SPMIP2: variants seen among roughly 807,000 people sequenced by gnomAD.
SPMIP2 encodes the protein protein SPMIP2.
chr4:159,026,394 A>T, the SPMIP2 span: 1 of 922,594 alleles, frequency 1.1e-6, no homozygotes, highest in Admixed American at 1.8e-5. Context: ...TTACAGATGG[A>T]TCATTGGTTC....
chr4:159,007,748 C>T, the SPMIP2 span: 1 of 629,910 alleles, frequency 1.6e-6, no homozygotes, highest in Non-Finnish European at 3.0e-6. Context: ...ACTTCGGGGC[C>T]TTCTACGCTG....
chr4:158,987,929 A>C, the SPMIP2 span, among the ~76,000 whole-genome samples: 6 of 152,016 alleles, frequency 3.9e-5, no homozygotes. Flanking sequence ...GACACAAAAA[A>C]CCCTTCAAAA....
chr4:158,967,080 G>C, the SPMIP2 span, among the ~76,000 whole-genome samples: 2 of 152,106 alleles, frequency 1.3e-5, no homozygotes, highest in South Asian at 4.1e-4. Context: ...CGCCTCCCTT[G>C]ATGTTTCCAT....
At chr4:159,017,281 C>T in the SPMIP2 span, among the ~76,000 whole-genome samples, 1 of 152,112 alleles carries the variant, frequency 6.6e-6, no homozygotes, top group Non-Finnish European at 1.5e-5. Flanking sequence ...CCGAATGACT[C>T]CCTGGATGGA....
At chr4:158,999,029 T>C in the SPMIP2 span, among the ~76,000 whole-genome samples, 1 of 152,038 alleles carries the variant, frequency 6.6e-6, no homozygotes, top group African/African-American at 2.4e-5. Context: ...CTGGGCATGG[T>C]GGCACACACC....
the SPMIP2 span, among the ~76,000 whole-genome samples, chr4:158,994,087 C>T: frequency 6.6e-6 from 1 of 152,324 alleles, no homozygotes; most frequent in African/African-American, 2.4e-5. Context: ...TAGATGGTAG[C>T]TTCATTGAAT....
At chr4:158,979,800 T>TG in the SPMIP2 span, among the ~76,000 whole-genome samples, 1 of 144,748 alleles carries the variant, frequency 6.9e-6, no homozygotes, top group South Asian at 2.2e-4. Context: ...TTTTTTTTTT[T>TG]TTTTTTTTTT....
chr4:158,990,606 C>T, the SPMIP2 span, among the ~76,000 whole-genome samples: 1 of 152,190 alleles, frequency 6.6e-6, no homozygotes, highest in Admixed American at 6.5e-5. Flanking sequence ...AAGCTGGAAA[C>T]CATCATCCTC....
chr4:159,043,865 T>G, the SPMIP2 span, among the ~76,000 whole-genome samples: 3 of 152,190 alleles, frequency 2.0e-5, no homozygotes, highest in African/African-American at 7.2e-5. Flanking sequence ...CATAAGCTCT[T>G]AATATTTGCC....
chr4:159,046,021 G>A, the SPMIP2 span, among the ~76,000 whole-genome samples: 29 of 152,124 alleles, frequency 1.9e-4, no homozygotes, highest in Admixed American at 3.9e-4. Flanking sequence ...AAGCCGAGGC[G>A]GGCAAATCAC....
At chr4:159,065,115 C>T in the SPMIP2 span, among the ~76,000 whole-genome samples, 2 of 152,190 alleles carry the variant, frequency 1.3e-5, no homozygotes, top group African/African-American at 4.8e-5. Context: ...CATACATTTG[C>T]ACTTTTATTT....
the SPMIP2 span, among the ~76,000 whole-genome samples, chr4:158,945,315 C>T: frequency 6.6e-6 from 1 of 151,404 alleles, no homozygotes; most frequent in African/African-American, 2.4e-5. Flanking sequence ...GTGGCTGCAT[C>T]ACTGCTCTGG....
At chr4:159,030,521 G>C in the SPMIP2 span, among the ~76,000 whole-genome samples, 2 of 151,060 alleles carry the variant, frequency 1.3e-5, no homozygotes, top group East Asian at 1.9e-4. Context: ...ATTTGAGACA[G>C]AGTATCACTC....
At chr4:158,969,613 A>T in the SPMIP2 span, among the ~76,000 whole-genome samples, 1 of 152,178 alleles carries the variant, frequency 6.6e-6, no homozygotes, top group East Asian at 1.9e-4. Context: ...CATGGAAGTT[A>T]TTATCTTCCT....
chr4:158,944,254 C>T, the SPMIP2 span, among the ~76,000 whole-genome samples: 1 of 151,384 alleles, frequency 6.6e-6, no homozygotes, highest in Non-Finnish European at 1.5e-5. Context: ...TCTTTGCCTT[C>T]CCCTCCCTCT....
the SPMIP2 span, among the ~76,000 whole-genome samples, chr4:158,898,219 C>T: frequency 2.2e-4 from 33 of 152,284 alleles, no homozygotes; most frequent in East Asian, 3.1e-3. Context: ...GTACCAATAC[C>T]GTGCTGTTTT....
chr4:159,073,973 C>G, the SPMIP2 span, among the ~76,000 whole-genome samples: 1 of 152,048 alleles, frequency 6.6e-6, no homozygotes, highest in Non-Finnish European at 1.5e-5. Flanking sequence ...TCACTGCACT[C>G]CAGCCTGGGT....
the SPMIP2 span, chr4:158,893,464 T>TATTA: frequency 4.2e-6 from 2 of 478,128 alleles, no homozygotes; most frequent in Non-Finnish European, 3.8e-6. Flanking sequence ...AAACAGCTAC[T>TATTA]ATTAGTATGA....
the SPMIP2 span, among the ~76,000 whole-genome samples, chr4:158,979,233 T>G: frequency 3.3e-5 from 5 of 152,170 alleles, no homozygotes; most frequent in Non-Finnish European, 5.9e-5. Context: ...CAGGTCGGTT[T>G]CAGACTGCAG....
Sources: allele counts gnomAD v4.1 joint callset (sites outside exome capture counted in the v4.1 genomes callset), GRCh38; gene constraint gnomAD v4.1.1; transcripts MANE v1.5; gene names NCBI Gene and HGNC (gene_info 2026-07-23, HGNC 2026-07-21).